Variants in SPAG17 observed in about 807,000 individuals in gnomAD.
SPAG17 encodes the protein sperm-associated antigen 17.
In SPAG17, 169 loss-of-function variants were observed where a neutral mutation model predicts 273.6. The observed-to-expected ratio is 0.62, with a 90% CI of 0.55 to 0.70. The LOEUF (loss-of-function observed/expected upper bound fraction) is 0.70. Among genes scored for constraint, SPAG17 ranks in the 30% least tolerant of loss-of-function variants. The pLI, the probability that SPAG17 is intolerant of heterozygous loss-of-function variation, is 0.00. For missense variants in SPAG17, 2,557 were observed against 2,627.8 expected, an observed-to-expected ratio of 0.97 and a Z score of 0.59; for synonymous variants, 825 against 873.2, an observed-to-expected ratio of 0.94 and a Z score of 0.97.
chr1:118,035,917 G>C (rs1473001726), intron 24 of SPAG17, among the ~76,000 whole-genome samples: 1 of 152,186 alleles, frequency 6.6e-6, no homozygotes, highest in Non-Finnish European at 1.5e-5. Context: ...AGAAGGCCAG[G>C]TGCAGTGGTT....
rs578195283 is a variant in SPAG17 at position 117,962,191 on chromosome 1, A to G, written c.*1608T>C. ...GCTAAGTGTTATACTAATCGAAGAG[A>G]AGGAGAACTTTTATGATAAAGTGAC... On this transcript the variant is annotated intron_variant, in intron 48 of 48. Coordinates refer to ENST00000336338, the MANE Select transcript of SPAG17 (RefSeq NM_206996.4). 2.0e-5 allele frequency: 3 copies of G among 152,156 alleles called. No individual in the cohort carries two copies. In the East Asian group the frequency reaches 5.8e-4, roughly 29 times the overall value. 9.4% of individuals were successfully genotyped at this position (152,156 alleles called of 1,614,324 possible).
At chr1:118,104,961 G>T (rs1445322025) in intron 4 of SPAG17, among the ~76,000 whole-genome samples, 3 of 152,138 alleles carry the variant, frequency 2.0e-5, no homozygotes, top group Non-Finnish European at 4.4e-5. Context: ...CAGGCTGATG[G>T]AATGATCCAG....
At position 118,016,033 on chromosome 1, in the gene SPAG17, C is replaced by G. The variant is rs758624813; in HGVS notation, c.4219G>C (p.Gly1407Arg). 1 of 1,614,002 alleles carries G rather than the reference C, an allele frequency of 6.2e-7. No homozygotes were observed. Among genetic ancestry groups the G allele is most frequent in the Admixed American group, 1.7e-5 (1 of 60,000 alleles). The change falls in exon 29 of 49, where the codon GGA (glycine) becomes CGA (arginine). Residue 1407 changes from glycine to arginine, a missense_variant. Coordinates refer to ENST00000336338, the MANE Select transcript of SPAG17 (RefSeq NM_206996.4). Reference sequence around the variant, plus strand: ...GTCAAGTCTGCTATTCTTTCTAATCCTTTGGTGCCGATCCGATTTCCTTCA... The same window carrying G: ...GTCAAGTCTGCTATTCTTTCTAATCGTTTGGTGCCGATCCGATTTCCTTCA... ...TPEGNRIGTK[G>R]LERIADLTPL...
rs80151907 is a variant in SPAG17, at chr1:118,008,875, C to T, written c.4433-677G>A. Among the ~76,000 whole-genome samples the T allele has an allele frequency of 7.0e-3, 1,064 of 152,178 alleles. 7 individuals carry two copies. Among genetic ancestry groups the T allele is most frequent in the Non-Finnish European group, 0.011 (751 of 68,010 alleles). On this transcript the variant is annotated intron_variant, in intron 30 of 48. Transcript: ENST00000336338. ...GTGTGTGTATGACTCCCCTTAACAA[C>T]CTTATAGTATTATTTTGTAGGAATT...
At chr1:118,131,681 C>T (rs1658060256) in intron 3 of SPAG17, among the ~76,000 whole-genome samples, 1 of 152,208 alleles carries the variant, frequency 6.6e-6, no homozygotes, top group African/African-American at 2.4e-5. Context: ...AATTTCACCA[C>T]TACCTAGAGC....
intron 3 of SPAG17, among the ~76,000 whole-genome samples, chr1:118,132,186 G>A (rs1658089945): frequency 6.6e-6 from 1 of 152,196 alleles, no homozygotes; most frequent in Non-Finnish European, 1.5e-5. Context: ...TGTCACTCCT[G>A]AGTTGAAATG....
At chr1:117,986,216 T>C (rs945455225) in intron 40 of SPAG17, among the ~76,000 whole-genome samples, 1 of 152,192 alleles carries the variant, frequency 6.6e-6, no homozygotes, top group South Asian at 2.1e-4. Context: ...GTTTCTTATC[T>C]CTACTGCCTC....
chr1:118,025,458 G>C (rs1366046130), intron 26 of SPAG17, 42 bp from the exon 27 acceptor site: 1 of 1,319,166 alleles, frequency 7.6e-7, no homozygotes, highest in Admixed American at 2.6e-5. Context: ...GGACAATGCT[G>C]CAGGGCTGGA....
At chr1:118,048,305 T>G (rs1039656725) in intron 20 of SPAG17, among the ~76,000 whole-genome samples, 24 of 151,898 alleles carry the variant, frequency 1.6e-4, no homozygotes, top group African/African-American at 5.3e-4. Flanking sequence ...GTCAACAGAT[T>G]TACCCCAGTG....
At chr1:117,977,251 G>A (rs1052211628) in intron 43 of SPAG17, among the ~76,000 whole-genome samples, 17 of 152,156 alleles carry the variant, frequency 1.1e-4, no homozygotes, top group African/African-American at 2.4e-5. Context: ...AACCCAGGAG[G>A]TGGAGGTTGC....
rs191587991 is a variant in SPAG17 at position 118,084,828 on chromosome 1, G to A, written c.1762+1094C>T. Among the ~76,000 whole-genome samples, 11 of 152,156 alleles carry A rather than the reference G, an allele frequency of 7.2e-5. No individual in the cohort carries two copies. In the East Asian group the frequency reaches 1.5e-3, roughly 21 times the overall value. ...ATGTTTTCTTTTTTTTTCCACCACT[G>A]TTATAATCCTAAAACAAATAATTTA... On this transcript the variant is annotated intron_variant, in intron 13 of 48. Transcript: ENST00000336338.
At chr1:118,036,942 G>A in intron 23 of SPAG17, 59 bp from the exon 24 acceptor site, 2 of 1,207,262 alleles carry the variant, frequency 1.7e-6, no homozygotes, top group Non-Finnish European at 2.4e-6. Context: ...ATATAACTAA[G>A]ACTCAGTGGG....
intron 35 of SPAG17, among the ~76,000 whole-genome samples, chr1:117,993,719 C>G (rs1041567897): frequency 1.3e-5 from 2 of 152,198 alleles, no homozygotes; most frequent in African/African-American, 2.4e-5. Context: ...CTATCAATCT[C>G]TGATCATACC....
At chr1:118,087,166 A>C (rs1383407151) in intron 10 of SPAG17, 158 bp from the exon 11 acceptor site, 1 of 645,004 alleles carries the variant, frequency 1.6e-6, no homozygotes, top group Admixed American at 3.4e-5. Flanking sequence ...ATCAGTGATC[A>C]CCAAGTAAAA....
At chr1:117,995,722 A>G (rs1657579698) in intron 34 of SPAG17, among the ~76,000 whole-genome samples, 1 of 151,398 alleles carries the variant, frequency 6.6e-6, no homozygotes, top group Admixed American at 6.6e-5. Context: ...ACACACACAC[A>G]CACACACACA....
chr1:118,071,460 G>A (rs1653575291), intron 17 of SPAG17, among the ~76,000 whole-genome samples: 1 of 152,000 alleles, frequency 6.6e-6, no homozygotes, highest in Non-Finnish European at 1.5e-5. Context: ...GACCAGCCTG[G>A]CCAACATGGT....
chr1:118,054,142 C>G, intron 19 of SPAG17, 49 bp from the exon 20 acceptor site: 2 of 1,218,948 alleles, frequency 1.6e-6, no homozygotes, highest in Non-Finnish European at 2.4e-6. Flanking sequence ...AATAAGATAT[C>G]ATAGAAGGCC....
intron 1 of SPAG17, among the ~76,000 whole-genome samples, chr1:118,178,697 C>G (rs896807272): frequency 6.6e-6 from 1 of 151,862 alleles, no homozygotes; most frequent in African/African-American, 2.4e-5. Flanking sequence ...AATGACTTCA[C>G]CAAAGAGACT....
chr1:117,959,071 A>G, intron 48 of SPAG17: 2 of 1,497,052 alleles, frequency 1.3e-6, no homozygotes, highest in South Asian at 1.2e-5. Context: ...ATAGTATAGT[A>G]TGCTGTGCTT....
Sources: allele counts gnomAD v4.1 joint callset (sites outside exome capture counted in the v4.1 genomes callset), GRCh38; gene constraint gnomAD v4.1.1; transcripts MANE v1.5; gene names NCBI Gene and HGNC (gene_info 2026-07-23, HGNC 2026-07-21).